Variants in ZBTB5 observed in about 807,000 individuals in gnomAD.
ZBTB5 encodes zinc finger and BTB domain-containing protein 5.
In ZBTB5, 15 loss-of-function variants were observed where a neutral mutation model predicts 37.9. That is an observed-to-expected ratio of 0.40 (90% CI 0.26 to 0.61). The LOEUF (loss-of-function observed/expected upper bound fraction) is 0.61, where lower values mean the gene tolerates loss of function less well. Among genes scored for constraint, ZBTB5 ranks in the 20% least tolerant of loss-of-function variants. The probability of loss-of-function intolerance (pLI) is 0.47; values close to 1 mark genes in which losing one functional copy is unlikely to be tolerated. For missense variants in ZBTB5, 708 were observed against 856.8 expected, an observed-to-expected ratio of 0.83 and a Z score of 2.17; for synonymous variants, 315 against 312.4, an observed-to-expected ratio of 1.01 and a Z score of -0.09.
At chr9:37,447,424 G>A (rs1167123879) in intron 1 of ZBTB5, among the ~76,000 whole-genome samples, 1 of 152,208 alleles carries the variant, frequency 6.6e-6, no homozygotes, top group African/African-American at 2.4e-5. Flanking sequence ...ACTGGTGACA[G>A]TAACAGAGGT....
At chr9:37,463,744 T>A (rs1824337058) in intron 1 of ZBTB5, among the ~76,000 whole-genome samples, 1 of 152,212 alleles carries the variant, frequency 6.6e-6, no homozygotes, top group African/African-American at 2.4e-5. Context: ...ACATATCAAT[T>A]AACCAAAATC....
chr9:37,461,600 G>A (rs1048871252), intron 1 of ZBTB5, among the ~76,000 whole-genome samples: 2 of 152,034 alleles, frequency 1.3e-5, no homozygotes, highest in African/African-American at 2.4e-5. Flanking sequence ...ATGGTGGCAC[G>A]AGCTGTAGTC....
chr9:37,449,534 C>T (rs1248039544), intron 1 of ZBTB5, among the ~76,000 whole-genome samples: 1 of 151,884 alleles, frequency 6.6e-6, no homozygotes, highest in Non-Finnish European at 1.5e-5. Context: ...CCTGCCTCTA[C>T]TAAAAATGCA....
rs1823865114 is a variant in ZBTB5, at chr9:37,441,170, G to A, written c.1382C>T (p.Ala461Val). 6.2e-7 allele frequency: 1 copy of A among 1,613,856 alleles called. No homozygotes were observed. The highest frequency in any genetic ancestry group is 1.1e-5 in the South Asian group (1 of 91,066). Reference sequence around the variant, plus strand: ...TGGGTTCTCTACATGGGAGCCAGGGGCAGAGGAGGGCCCACCTGCAGGCCC... The same window carrying A: ...TGGGTTCTCTACATGGGAGCCAGGGACAGAGGAGGGCCCACCTGCAGGCCC... ...EAGPAGGPSS[A>V]PGSHVENPFS... The change falls in exon 2 of 2, where the codon GCC becomes GTC. Residue 461 changes from alanine (A) to valine (V), a missense_variant. Transcript: ENST00000307750.
rs747324382 is a variant in ZBTB5 at position 37,441,344 on chromosome 9, T to C, written c.1208A>G (p.His403Arg). ...ATTCGAAATACTAAAAGTGGACTTA[T>C]GCTCTAGGTTATTTGTGACTTCCAA... ...HILEVTNNLE[H>R]KSTFSISNFL... is the part of the protein sequence containing the mutation. Residue 403 changes from histidine to arginine, a missense_variant, in exon 2 of 2, where the codon CAT (histidine) becomes CGT (arginine). His to Arg is a conservative substitution (Grantham distance 29). Transcript: ENST00000307750. 1.4e-5 allele frequency: 23 copies of C among 1,614,072 alleles called. No individual in the cohort carries two copies. The Admixed American group carries it at 3.5e-4, about 25-fold the overall frequency.
At chr9:37,458,689 T>C (rs1401394205) in intron 1 of ZBTB5, among the ~76,000 whole-genome samples, 1 of 152,196 alleles carries the variant, frequency 6.6e-6, no homozygotes, top group Non-Finnish European at 1.5e-5. Context: ...ATTGGTGATA[T>C]TAATGAAATG....
Position 37,440,863 on chromosome 9 carries a change from C to G in ZBTB5, c.1689G>C (p.Met563Ile). Reference protein sequence around the residue: ...IPENSTSSQLMMNGATSSFEN... With the variant: ...IPENSTSSQLIMNGATSSFEN... Reference sequence around the variant, plus strand: ...CAAATGAGGACGTAGCTCCATTCATCATTAGCTGAGAACTGGTAGAGTTTT... The same window carrying G: ...CAAATGAGGACGTAGCTCCATTCATGATTAGCTGAGAACTGGTAGAGTTTT... Residue 563 changes from methionine (M) to isoleucine (I), a missense_variant, in exon 2 of 2, where the codon ATG becomes ATC. Met to Ile is a conservative substitution (Grantham distance 10). Coordinates refer to ENST00000307750, the MANE Select transcript of ZBTB5 (RefSeq NM_014872.3). 6.2e-7 allele frequency: 1 copy of G among 1,614,210 alleles called. No individual in the cohort carries two copies. The highest frequency in any genetic ancestry group is 1.3e-5 in the African/African-American group (1 of 75,058).
At chr9:37,463,963 C>T (rs1412882342) in intron 1 of ZBTB5, among the ~76,000 whole-genome samples, 2 of 152,186 alleles carry the variant, frequency 1.3e-5, no homozygotes, top group Non-Finnish European at 2.9e-5. Context: ...CCAGGTCAAT[C>T]TTCCCAAATT....
intron 1 of ZBTB5, among the ~76,000 whole-genome samples, chr9:37,463,076 A>C (rs1824323583): frequency 6.6e-6 from 1 of 152,198 alleles, no homozygotes; most frequent in Non-Finnish European, 1.5e-5. Flanking sequence ...TGTCAAGATA[A>C]ATCAAAGCTT....
chr9:37,454,936 G>C (rs1439291688), intron 1 of ZBTB5, among the ~76,000 whole-genome samples: 1 of 152,172 alleles, frequency 6.6e-6, no homozygotes, highest in Non-Finnish European at 1.5e-5. Flanking sequence ...TCCTACTTCT[G>C]TGTGGGCTCA....
At chr9:37,446,936 G>C (rs1442845523) in intron 1 of ZBTB5, among the ~76,000 whole-genome samples, 1 of 152,194 alleles carries the variant, frequency 6.6e-6, no homozygotes, top group Non-Finnish European at 1.5e-5. Context: ...AAGACTCAGA[G>C]TTGCTCTTCT....
chr9:37,443,410 C>T (rs1200792796), intron 1 of ZBTB5, among the ~76,000 whole-genome samples: 1 of 151,882 alleles, frequency 6.6e-6, no homozygotes, highest in Non-Finnish European at 1.5e-5. Context: ...AATGAGAAGG[C>T]CTTCAATAGC....
intron 1 of ZBTB5, among the ~76,000 whole-genome samples, chr9:37,448,904 C>T (rs905602384): frequency 6.6e-6 from 1 of 151,656 alleles, no homozygotes; most frequent in Admixed American, 6.6e-5. Flanking sequence ...ATTAGCTGGG[C>T]GTGGTGGCGT....
chr9:37,442,905 G>C (rs1201375059), intron 1 of ZBTB5, among the ~76,000 whole-genome samples: 1 of 152,188 alleles, frequency 6.6e-6, no homozygotes, highest in Non-Finnish European at 1.5e-5. Context: ...ATTCCCTAAG[G>C]ATGAGGAATG....
intron 1 of ZBTB5, among the ~76,000 whole-genome samples, chr9:37,450,300 A>T (rs1012222468): frequency 5.9e-5 from 9 of 152,092 alleles, no homozygotes; most frequent in African/African-American, 1.7e-4. Context: ...ACCCCAGACA[A>T]CGAAGCTGCT....
At chr9:37,454,310 G>T (rs1192517177) in intron 1 of ZBTB5, among the ~76,000 whole-genome samples, 1 of 152,176 alleles carries the variant, frequency 6.6e-6, no homozygotes, top group Non-Finnish European at 1.5e-5. Flanking sequence ...AGCCTTAACA[G>T]AGCTCAGGCT....
At position 37,442,210 on chromosome 9, in the gene ZBTB5, T is replaced by C; in HGVS notation, c.342A>G (p.Ala114=). The C allele has an allele frequency of 1.9e-6, 3 of 1,614,250 alleles. No homozygotes were observed. Among genetic ancestry groups the C allele is most frequent in the Non-Finnish European group, 2.5e-6 (3 of 1,180,044 alleles). ...SHLHLNSVVK[A]CKHYLTTRTL... Reference sequence around the variant, plus strand: ...TCCTTGTCGTTAAGTAATGTTTACATGCCTTAACAACAGAGTTCAAATGCA... The same window carrying C: ...TCCTTGTCGTTAAGTAATGTTTACACGCCTTAACAACAGAGTTCAAATGCA... The change falls in exon 2 of 2, where the codon GCA becomes GCG. Residue 114 remains alanine, a synonymous_variant. Coordinates refer to ENST00000307750, the MANE Select transcript of ZBTB5 (RefSeq NM_014872.3).
At chr9:37,462,566 T>TG (rs1049749324) in intron 1 of ZBTB5, among the ~76,000 whole-genome samples, 40 of 150,364 alleles carry the variant, frequency 2.7e-4, no homozygotes, top group Admixed American at 6.6e-5. Context: ...TTAACCGTTT[T>TG]TTTTTTTTTT....
chr9:37,438,677 G>C lies in ZBTB5; in HGVS notation c.*1841C>G, dbSNP rs1226108660. ...CTCATTTTCTCCAGGCTAACCCACTGTGTCCCAAGGTTAATCTCACAAGAC... is the reference window on the plus strand; with the variant it reads ...CTCATTTTCTCCAGGCTAACCCACTCTGTCCCAAGGTTAATCTCACAAGAC... On this transcript the variant is annotated 3_prime_UTR_variant, in exon 2 of 2. Coordinates refer to ENST00000307750, the MANE Select transcript of ZBTB5 (RefSeq NM_014872.3). 1 of 152,292 alleles carries C rather than the reference G, an allele frequency of 6.6e-6. No homozygotes were observed. Among genetic ancestry groups the C allele is most frequent in the Non-Finnish European group, 1.5e-5 (1 of 68,112 alleles). The allele number at this position is 152,292 out of a possible 1,614,324, so 9.4% of individuals were successfully genotyped here.
Sources: allele counts gnomAD v4.1 joint callset (sites outside exome capture counted in the v4.1 genomes callset), GRCh38; gene constraint gnomAD v4.1.1; transcripts MANE v1.5; gene names NCBI Gene and HGNC (gene_info 2026-07-23, HGNC 2026-07-21).